Variants in ZBTB20 observed in about 807,000 individuals in gnomAD.
ZBTB20 encodes the protein zinc finger and BTB domain containing 20, also known as zinc finger and BTB domain-containing protein 20.
A neutral mutation model predicts 56.9 loss-of-function variants in ZBTB20; 9 were observed. The ratio of observed to expected loss-of-function variants is 0.16; its 90% CI spans 0.10 to 0.28. The LOEUF (loss-of-function observed/expected upper bound fraction) is 0.28. ZBTB20 is among the 10% of genes least tolerant of loss of function. ZBTB20 has a pLI of 1.00. For synonymous variants in ZBTB20, 417 were observed against 420.7 expected (o/e 0.99, Z 0.11); for missense variants, 655 against 1,003.0 (o/e 0.65, Z 4.69).
intron 1 of ZBTB20, among the ~76,000 whole-genome samples, chr3:115,097,346 T>C (rs1018208725): frequency 3.3e-5 from 5 of 151,832 alleles, no homozygotes; most frequent in Admixed American, 6.6e-5. Flanking sequence ...GCCCAGGTAG[T>C]TTTTGTATTT....
intron 2 of ZBTB20, among the ~76,000 whole-genome samples, chr3:115,042,620 G>T (rs2081185432): frequency 6.6e-6 from 1 of 152,094 alleles, no homozygotes; most frequent in South Asian, 2.1e-4. Flanking sequence ...GTTTTCGTTT[G>T]ACTTTGAATT....
rs1226549414 is a variant in ZBTB20, at chr3:114,320,493, G to T, written c.*18512C>A. On this transcript the variant is annotated 3_prime_UTR_variant, in exon 12 of 12. Transcript: ENST00000675478. ...AGAATTATAGAACATAAGTATGAAGGAGCCAAGATTACATAATTCCAACTA... is the reference window on the plus strand; with the variant it reads ...AGAATTATAGAACATAAGTATGAAGTAGCCAAGATTACATAATTCCAACTA... 6.6e-6 allele frequency: 1 copy of T among 152,066 alleles called. No individual in the cohort carries two copies. Among genetic ancestry groups the T allele is most frequent in the African/African-American group, 2.4e-5 (1 of 41,396 alleles). 9.4% of individuals were successfully genotyped at this position (152,066 alleles called of 1,614,324 possible).
At chr3:114,929,342 A>G (rs1417571707) in intron 3 of ZBTB20, among the ~76,000 whole-genome samples, 2 of 152,246 alleles carry the variant, frequency 1.3e-5, no homozygotes, top group Non-Finnish European at 2.9e-5. Context: ...CCTGGAAAAT[A>G]GGGTCCAACT....
At chr3:114,545,287 C>T (rs2049738122) in intron 6 of ZBTB20, among the ~76,000 whole-genome samples, 1 of 152,188 alleles carries the variant, frequency 6.6e-6, no homozygotes, top group South Asian at 2.1e-4. Flanking sequence ...TTTATTCCTT[C>T]TTCAGGGTGA....
intron 5 of ZBTB20, among the ~76,000 whole-genome samples, chr3:114,765,937 C>T (rs1053982286): frequency 5.3e-5 from 8 of 151,904 alleles, no homozygotes; most frequent in Non-Finnish European, 7.4e-5. Context: ...AGAAAGAGTC[C>T]CCAACCTCCA....
At chr3:114,855,727 T>C (rs2075221691) in intron 4 of ZBTB20, among the ~76,000 whole-genome samples, 2 of 152,194 alleles carry the variant, frequency 1.3e-5, no homozygotes, top group Admixed American at 6.5e-5. Context: ...GAGAGGAAGA[T>C]ACACTGCTGA....
At position 114,724,442 on chromosome 3, in the gene ZBTB20, T is replaced by G. The variant is rs2065132457; in HGVS notation, c.-342-30867A>C. Among the ~76,000 whole-genome samples the G allele has an allele frequency of 2.0e-5, 3 of 152,318 alleles. No homozygotes were observed. The South Asian group carries it at 6.2e-4, about 32-fold the overall frequency. ...ACCCCTTCTCTATTCAGCTGCCTTT[T>G]TAGAAAGAGAGGCAGAATTTAGAAG... On this transcript the variant is annotated intron_variant, in intron 5 of 11. Coordinates refer to ENST00000675478, the MANE Select transcript of ZBTB20 (RefSeq NM_001348800.3).
chr3:114,858,040 T>C (rs2075330811), intron 4 of ZBTB20, among the ~76,000 whole-genome samples: 1 of 152,212 alleles, frequency 6.6e-6, no homozygotes, highest in Non-Finnish European at 1.5e-5. Context: ...TTGTGCTACA[T>C]AAGTGAATAC....
intron 2 of ZBTB20, among the ~76,000 whole-genome samples, chr3:115,010,121 T>C (rs971418661): frequency 6.6e-6 from 1 of 152,038 alleles, no homozygotes; most frequent in African/African-American, 2.4e-5. Context: ...TAAGGGAGTA[T>C]GGAAGGTTTT....
intron 6 of ZBTB20, among the ~76,000 whole-genome samples, chr3:114,614,914 C>T (rs958979159): frequency 2.0e-5 from 3 of 152,122 alleles, no homozygotes; most frequent in East Asian, 1.9e-4. Flanking sequence ...TGTGCCACCA[C>T]ATCCAGCTAA....
chr3:114,444,973 A>C (rs1194692700), intron 7 of ZBTB20, among the ~76,000 whole-genome samples: 1 of 152,150 alleles, frequency 6.6e-6, no homozygotes, highest in Non-Finnish European at 1.5e-5. Flanking sequence ...CATTCTGAAG[A>C]GTTGGTTAAC....
chr3:114,427,204 T>C (rs2089749078), intron 7 of ZBTB20, among the ~76,000 whole-genome samples: 1 of 152,234 alleles, frequency 6.6e-6, no homozygotes, highest in Admixed American at 6.5e-5. Context: ...CAAATTTCTC[T>C]CACCCTCTTG....
At chr3:114,696,424 G>A (rs947840852) in intron 5 of ZBTB20, among the ~76,000 whole-genome samples, 11 of 151,852 alleles carry the variant, frequency 7.2e-5, no homozygotes, top group African/African-American at 2.7e-4. Context: ...ACCTTTTCTG[G>A]TTGTATTAAA....
chr3:114,640,834 G>A (rs1487200583), intron 6 of ZBTB20, among the ~76,000 whole-genome samples: 2 of 151,932 alleles, frequency 1.3e-5, no homozygotes, highest in African/African-American at 2.4e-5. Flanking sequence ...ATTTTAAGAT[G>A]ACAACAAAAT....
Position 114,318,880 on chromosome 3 carries a change from G to A in ZBTB20, c.*20125C>T, listed in dbSNP as rs1306161725. 2 of 152,146 alleles carry A rather than the reference G, an allele frequency of 1.3e-5. No homozygotes were observed. The highest frequency in any genetic ancestry group is 2.9e-5 in the Non-Finnish European group (2 of 68,032). 9.4% of individuals were successfully genotyped at this position (152,146 alleles called of 1,614,324 possible). A position where few individuals can be genotyped will look rare whatever the true frequency, so the allele number is the denominator to read the frequency against. ...TCCCATAATTGGTTGAAGACACAGG[G>A]TGGTAAAATGCTTCCACACTTAAAC... is the stretch of plus-strand genomic sequence containing the variant. On this transcript the variant is annotated 3_prime_UTR_variant, in exon 12 of 12. Coordinates refer to ENST00000675478, the MANE Select transcript of ZBTB20 (RefSeq NM_001348800.3).
rs916558816 is a variant in ZBTB20, at chr3:114,334,384, A to G, written c.*4621T>C. ...ATCGAAGGGGTTTTATAAGGGGCAT[A>G]TCTCATTTTTGACTTCTGTGCTGAG... On this transcript the variant is annotated 3_prime_UTR_variant, in exon 12 of 12. Transcript: ENST00000675478. 1.3e-5 allele frequency: 2 copies of G among 152,188 alleles called. No homozygotes were observed. Among genetic ancestry groups the G allele is most frequent in the South Asian group, 2.1e-4 (1 of 4,824 alleles). 9.4% of individuals were successfully genotyped at this position (152,188 alleles called of 1,614,324 possible).
intron 7 of ZBTB20, among the ~76,000 whole-genome samples, chr3:114,432,569 G>A (rs1359556393): frequency 2.6e-5 from 4 of 152,112 alleles, no homozygotes; most frequent in Admixed American, 2.6e-4. Flanking sequence ...CCCTGCATTC[G>A]GCAACCTCTT....
intron 1 of ZBTB20, among the ~76,000 whole-genome samples, chr3:115,106,198 A>G (rs2083716926): frequency 6.6e-6 from 1 of 150,940 alleles, no homozygotes; most frequent in South Asian, 2.1e-4. Flanking sequence ...ACCACCATAA[A>G]GTTAATTGTA....
intron 6 of ZBTB20, among the ~76,000 whole-genome samples, chr3:114,541,259 A>T (rs191795953): frequency 2.6e-5 from 4 of 152,318 alleles, no homozygotes; most frequent in Admixed American, 2.6e-4. Context: ...TGCAATGTTA[A>T]GGTTGAGCTT....
Sources: gnomAD v4.1 joint callset for allele counts (sites outside exome capture counted in the v4.1 genomes callset) on GRCh38, gnomAD v4.1.1 for gene constraint, MANE v1.5 for transcripts, NCBI Gene and HGNC (gene_info 2026-07-23, HGNC 2026-07-21) for gene names.